Variants in MROH2A observed in about 807,000 individuals in gnomAD.
MROH2A encodes the protein maestro heat-like repeat-containing protein family member 2A.
MROH2A carries 174 observed loss-of-function variants against 200.4 expected under a neutral mutation model. That is an observed-to-expected ratio of 0.87 (90% CI 0.77 to 0.98). The LOEUF (loss-of-function observed/expected upper bound fraction) is 0.98. MROH2A is among the 50% of genes least tolerant of loss of function. The pLI is 0.00. For missense variants in MROH2A, 2,045 were observed against 2,139.6 expected (o/e 0.96, Z 0.87); for synonymous variants, 829 against 840.4 (o/e 0.99, Z 0.23).
At chr2:233,829,223 TA>T (rs1043781892) in intron 37 of MROH2A, among the ~76,000 whole-genome samples, 151 bp downstream of exon 37, 4 of 152,160 alleles carry the variant, frequency 2.6e-5, no homozygotes, top group Admixed American at 1.3e-4. Context: ...TCTTGTGAAG[TA>T]AAAGGTATTC....
At chr2:233,781,899 A>G (rs6431632) in intron 3 of MROH2A, among the ~76,000 whole-genome samples, 121,136 of 152,162 alleles carry the variant, frequency 0.8, 48,307 homozygotes, top group East Asian at 0.88. Flanking sequence ...TGATTTTTGC[A>G]TATGGTGAGA....
At position 233,810,906 on chromosome 2, in the gene MROH2A, G is replaced by A. The variant is rs1300394719; in HGVS notation, c.2561G>A (p.Ser854Asn). The A allele has an allele frequency of 1.9e-6, 3 of 1,549,978 alleles. No homozygotes were observed. Among genetic ancestry groups the A allele is most frequent in the Non-Finnish European group, 1.7e-6 (2 of 1,146,704 alleles). Residue 854 changes from serine (S) to asparagine (N), a missense_variant, in exon 23 of 42, where the codon AGC becomes AAC. Around this residue, in one of 3 missense-constraint regions of MROH2A, gnomAD observed 1,201 missense variants for 1,311.3 expected, o/e 0.92. Coordinates refer to ENST00000389758, the MANE Select transcript of MROH2A (RefSeq NM_001394639.1). ...FHFAQKTTLTSIIVAVIKAEP... is the reference protein window; with the variant it reads ...FHFAQKTTLTNIIVAVIKAEP... The stretch of plus-strand genomic sequence containing the variant: ...TTTGCCCAGAAGACGACTCTTACCA[G>A]CATTATAGTGGTAAGCTGGGTGGGG...
chr2:233,811,579 G>A (rs1426967828), intron 23 of MROH2A, among the ~76,000 whole-genome samples: 2 of 152,340 alleles, frequency 1.3e-5, no homozygotes, highest in Non-Finnish European at 2.9e-5. Context: ...CCTGTAAAAT[G>A]GGTCTCCAGG....
chr2:233,802,128 G>A (rs778434175), intron 14 of MROH2A, 40 bp from the exon 15 acceptor site: 8 of 1,529,702 alleles, frequency 5.2e-6, no homozygotes, highest in Non-Finnish European at 7.1e-6. Flanking sequence ...CCAGGGCTTG[G>A]GCTAATTCTG....
At chr2:233,802,352 A>G in intron 15 of MROH2A, 37 bp downstream of exon 15, 2 of 1,527,398 alleles carry the variant, frequency 1.3e-6, no homozygotes, top group South Asian at 1.2e-5. Flanking sequence ...TGGATTGGGC[A>G]GGTGGGCTGG....
chr2:233,781,492 G>A (rs1182104462), intron 3 of MROH2A, among the ~76,000 whole-genome samples: 3 of 152,038 alleles, frequency 2.0e-5, no homozygotes, highest in Non-Finnish European at 2.9e-5. Context: ...TGATTAGTGA[G>A]GTTGAGCATT....
At chr2:233,816,702 A>T (rs1322907328) in intron 26 of MROH2A, 79 bp from the exon 27 acceptor site, 4 of 859,482 alleles carry the variant, frequency 4.7e-6, no homozygotes, top group Non-Finnish European at 7.6e-6. Flanking sequence ...TAGGAGGGTG[A>T]GGTGGGCAAA....
chr2:233,800,103 G>A, intron 13 of MROH2A, 102 bp from the exon 14 acceptor site: 1 of 1,074,834 alleles, frequency 9.3e-7, no homozygotes, highest in Non-Finnish European at 1.3e-6. Context: ...TGTAGACTCA[G>A]TATCTGGGCA....
At chr2:233,817,664 C>T (rs1286135186) in intron 27 of MROH2A, among the ~76,000 whole-genome samples, 4 of 152,216 alleles carry the variant, frequency 2.6e-5, no homozygotes, top group Admixed American at 2.6e-4. Context: ...CCTGCCTGGA[C>T]TGCTCAGCTA....
intron 11 of MROH2A, among the ~76,000 whole-genome samples, 158 bp from the exon 12 acceptor site, chr2:233,798,616 G>GATGGCCAGGGAGAGC (rs1375440924): frequency 1.3e-5 from 2 of 152,350 alleles, no homozygotes; most frequent in East Asian, 3.9e-4. Flanking sequence ...AGGGGAGGGA[G>GATGGCCAGGGAGAGC]ATGGCCAGGG....
chr2:233,818,917 T>C, intron 29 of MROH2A, 147 bp downstream of exon 29: 1 of 618,682 alleles, frequency 1.6e-6, no homozygotes, highest in Admixed American at 2.9e-5. Context: ...ACTGCTGCCC[T>C]CTGTGTTGAA....
intron 29 of MROH2A, 134 bp from the exon 30 acceptor site, chr2:233,819,183 G>T: frequency 2.2e-6 from 2 of 930,128 alleles, no homozygotes; most frequent in Non-Finnish European, 1.6e-6. Context: ...CTCAGCCCAG[G>T]AGGAGGCCAT....
At chr2:233,823,759 T>G in intron 35 of MROH2A, 95 bp downstream of exon 35, 11 of 1,469,344 alleles carry the variant, frequency 7.5e-6, no homozygotes, top group Non-Finnish European at 1.0e-5. Flanking sequence ...GGCATGGGAG[T>G]CGGGGGGACA....
At position 233,832,160 on chromosome 2, in the gene MROH2A, T is replaced by TA; in HGVS notation, c.4735-17_4735-16insA. 1.3e-6 allele frequency: 2 copies of TA among 1,545,168 alleles called. No individual in the cohort carries two copies. Among genetic ancestry groups the TA allele is most frequent in the Non-Finnish European group, 1.8e-6 (2 of 1,142,194 alleles). On this transcript the variant is annotated splice_polypyrimidine_tract_variant and intron_variant, in intron 39 of 41. Coordinates refer to ENST00000389758, the MANE Select transcript of MROH2A (RefSeq NM_001394639.1). Reference sequence around the variant, plus strand: ...GTCTCATCCTCCAAAGCTGTGTGTATCACTTACTTTTTGCAGACTCGGAAA... The same window carrying TA: ...GTCTCATCCTCCAAAGCTGTGTGTATACACTTACTTTTTGCAGACTCGGAAA...
intron 3 of MROH2A, among the ~76,000 whole-genome samples, chr2:233,787,554 T>C (rs1390545865): frequency 5.7e-5 from 6 of 104,398 alleles, no homozygotes; most frequent in African/African-American, 1.9e-4. Context: ...ATATATATTA[T>C]ATATACATAT....
At position 233,807,440 on chromosome 2, in the gene MROH2A, C is replaced by T. The variant is rs757139204; in HGVS notation, c.2070C>T (p.Ala690=). The change falls in exon 20 of 42, where the codon GCC becomes GCT. Residue 690 remains alanine (A), a synonymous_variant. Transcript: ENST00000389758. This position sits in a 1 kb window ranked among gnomAD's most constrained non-coding sequence, Gnocchi z 4.3. ...CTCTCCAGGGCTTTCTGTACCGGGCCTTGGGCTTCACCTTGGCCACAGGCC... is the reference window on the plus strand; with the variant it reads ...CTCTCCAGGGCTTTCTGTACCGGGCTTTGGGCTTCACCTTGGCCACAGGCC... ...PSLEKGFLYR[A]LGFTLATGLE... is the part of the protein sequence containing the mutation. The T allele has an allele frequency of 1.7e-5, 27 of 1,550,446 alleles. No homozygotes were observed. The South Asian group carries it at 3.1e-4, about 18-fold the overall frequency.
intron 22 of MROH2A, among the ~76,000 whole-genome samples, chr2:233,809,674 T>C (rs1338062146): frequency 2.0e-5 from 3 of 152,186 alleles, no homozygotes; most frequent in African/African-American, 7.2e-5. Context: ...TTTCTTGGAA[T>C]GGCAAGGAGG....
chr2:233,776,351 T>G (rs940515707), upstream of MROH2A, among the ~76,000 whole-genome samples: 3 of 136,834 alleles, frequency 2.2e-5, no homozygotes, highest in Non-Finnish European at 3.1e-5. Context: ...AAAAATGTAT[T>G]TACTTTTTTT....
At chr2:233,822,697 T>G in intron 33 of MROH2A, 141 bp downstream of exon 33, 1 of 1,129,902 alleles carries the variant, frequency 8.9e-7, no homozygotes, top group Non-Finnish European at 1.3e-6. Flanking sequence ...AATGCCGTTC[T>G]CATGTGTGTC....
Sources: allele counts gnomAD v4.1 joint callset (sites outside exome capture counted in the v4.1 genomes callset), GRCh38; gene constraint gnomAD v4.1.1; regional missense constraint gnomAD v4.1.1; non-coding constraint Gnocchi (gnomAD v3.1); transcripts MANE v1.5; gene names NCBI Gene and HGNC (gene_info 2026-07-23, HGNC 2026-07-21).